The following PRKCZ variants were observed in gnomAD, a reference collection of about 807,000 sequenced individuals.
PRKCZ encodes protein kinase C zeta type.
Under a neutral mutation model 79.5 loss-of-function variants are expected in PRKCZ, and 33 were observed. The observed-to-expected ratio is 0.41, with a 90% CI of 0.31 to 0.55. PRKCZ has a LOEUF of 0.55. PRKCZ is among the 20% of genes least tolerant of loss of function. The pLI, the probability that PRKCZ is intolerant of heterozygous loss-of-function variation, is 0.19. For missense variants in PRKCZ, 578 were observed against 813.5 expected (o/e 0.71, Z 3.52); for synonymous variants, 342 against 320.9 (o/e 1.07, Z -0.70).
chr1:2,107,414 TC>T (rs1387948994), intron 4 of PRKCZ, among the ~76,000 whole-genome samples: 5 of 152,200 alleles, frequency 3.3e-5, no homozygotes, highest in Non-Finnish European at 2.9e-5. Context: ...CCGCACACAC[TC>T]CCGTGCCCGT....
At chr1:2,175,092 A>G in intron 15 of PRKCZ, 132 bp from the exon 16 acceptor site, 1 of 799,678 alleles carries the variant, frequency 1.3e-6, no homozygotes, top group South Asian at 1.7e-5. Flanking sequence ...TAAAGGAAAC[A>G]TCTGATTTCC....
rs755039122 is a variant in PRKCZ, at chr1:2,175,218, C to G, written c.1486-6C>G. 6.2e-7 allele frequency: 1 copy of G among 1,613,220 alleles called. No homozygotes were observed. The highest frequency in any genetic ancestry group is 8.5e-7 in the Non-Finnish European group (1 of 1,179,334). On this transcript the variant is annotated splice_region_variant and splice_polypyrimidine_tract_variant and intron_variant, in intron 15 of 17. Coordinates refer to ENST00000378567, the MANE Select transcript of PRKCZ (RefSeq NM_002744.6). The stretch of plus-strand genomic sequence containing the variant: ...GACTTGTCCTTGTTTGAACTCTGAC[C>G]TCCAGGACCCCAAAGAGAGGCTCGG...
chr1:2,153,905 C>A (rs955972456), intron 9 of PRKCZ, among the ~76,000 whole-genome samples: 1 of 152,216 alleles, frequency 6.6e-6, no homozygotes, highest in African/African-American at 2.4e-5. Flanking sequence ...AAAAAGACTG[C>A]ACTCTCTGGG....
At chr1:2,163,734 CAA>C (rs35766783) in intron 10 of PRKCZ, among the ~76,000 whole-genome samples, 87 of 139,694 alleles carry the variant, frequency 6.2e-4, no homozygotes, top group Admixed American at 9.2e-4. Context: ...ACTAAAAATA[CAA>C]AAAAAAAAAA....
At chr1:2,114,442 C>T (rs898062080) in intron 4 of PRKCZ, among the ~76,000 whole-genome samples, 3 of 152,146 alleles carry the variant, frequency 2.0e-5, no homozygotes, top group African/African-American at 4.8e-5. Context: ...GTTCAGCTCA[C>T]AAAAGTTAAG....
At chr1:2,164,086 A>G (rs1254525617) in intron 10 of PRKCZ, among the ~76,000 whole-genome samples, 3 of 151,928 alleles carry the variant, frequency 2.0e-5, no homozygotes, top group Admixed American at 6.6e-5. Flanking sequence ...TTAGTGTGCT[A>G]CTCTGTTAAT....
intron 4 of PRKCZ, among the ~76,000 whole-genome samples, chr1:2,091,855 G>C (rs372463095): frequency 3.9e-4 from 60 of 152,314 alleles, no homozygotes; most frequent in Admixed American, 5.9e-4. Context: ...ACAGATGCGC[G>C]TCCTGTGTTG....
intron 5 of PRKCZ, among the ~76,000 whole-genome samples, chr1:2,140,439 G>A (rs1313072981): frequency 6.6e-6 from 1 of 152,140 alleles, no homozygotes; most frequent in African/African-American, 2.4e-5. Flanking sequence ...GAGTGCCTGA[G>A]GTCAGGAGTT....
chr1:2,124,897 C>G (rs935955962), intron 4 of PRKCZ, among the ~76,000 whole-genome samples: 5 of 152,108 alleles, frequency 3.3e-5, no homozygotes, highest in Non-Finnish European at 7.4e-5. Flanking sequence ...TTCCAGCTTT[C>G]GTCGATTGTT....
intron 16 of PRKCZ, among the ~76,000 whole-genome samples, chr1:2,180,716 A>G (rs1686440016): frequency 6.6e-6 from 1 of 152,180 alleles, no homozygotes; most frequent in African/African-American, 2.4e-5. Flanking sequence ...TGGGATGCTC[A>G]GATGACCGCT....
chr1:2,184,864 T>A, intron 17 of PRKCZ, 58 bp from the exon 18 acceptor site: 1 of 1,498,878 alleles, frequency 6.7e-7, no homozygotes, highest in Non-Finnish European at 9.2e-7. Flanking sequence ...TGACTCCGCT[T>A]CCCCCAAGGG....
intron 10 of PRKCZ, chr1:2,169,311 C>A: frequency 3.2e-6 from 2 of 617,182 alleles, no homozygotes; most frequent in South Asian, 3.0e-5. Flanking sequence ...GCATGACTCC[C>A]TCACCTGCAC....
Position 2,127,024 on chromosome 1 carries a change from G to T in PRKCZ, c.335-8238G>T, listed in dbSNP as rs1360618676. ...GGAAGTCGGCAGAGCTTGGCTCCCT[G>T]TTCGCCCGACTGGCGCCTCGGCTGT... is the stretch of plus-strand genomic sequence containing the variant. On this transcript the variant is annotated intron_variant, in intron 4 of 17. Coordinates refer to ENST00000378567, the MANE Select transcript of PRKCZ (RefSeq NM_002744.6). This position sits in a 1 kb window ranked among gnomAD's most constrained non-coding sequence, Gnocchi z 5.1. Among the ~76,000 whole-genome samples the T allele has an allele frequency of 1.3e-5, 2 of 152,238 alleles. No individual in the cohort carries two copies. The highest frequency in any genetic ancestry group is 4.8e-5 in the African/African-American group (2 of 41,460).
At chr1:2,069,632 G>A (rs1166510283) in intron 4 of PRKCZ, among the ~76,000 whole-genome samples, 1 of 152,206 alleles carries the variant, frequency 6.6e-6, no homozygotes, top group Non-Finnish European at 1.5e-5. Context: ...GGCCCTTTCT[G>A]CCACTTCCCC....
At position 2,094,048 on chromosome 1, in the gene PRKCZ, T is replaced by G. The variant is rs1665984903; in HGVS notation, c.334+34457T>G. Among the ~76,000 whole-genome samples the G allele has an allele frequency of 6.6e-6, 1 of 152,160 alleles. No homozygotes were observed. The highest frequency in any genetic ancestry group is 6.5e-5 in the Admixed American group (1 of 15,286). ...ACGTCCACAGCACCTGCCAGCCCAC[T>G]TTGGGTGACCCTCCTGTTTGTCCTG... On this transcript the variant is annotated intron_variant, in intron 4 of 17. Transcript: ENST00000378567. This position sits in a 1 kb window ranked among gnomAD's most constrained non-coding sequence, Gnocchi z 7.3.
Position 2,150,842 on chromosome 1 carries a change from T to C in PRKCZ, c.740T>C (p.Leu247Pro). The change falls in exon 9 of 18, where the codon CTT becomes CCT. Residue 247 changes from leucine (L) to proline (P), a missense_variant. Leu to Pro is a moderately conservative substitution (Grantham distance 98, BLOSUM62 -3). This residue lies in a region of PRKCZ where 91 missense variants were observed against 97.5 expected (regional missense o/e 0.93). Transcript: ENST00000378567. ...GATGGAATCAAAATCTCTCAGGGGCTTGGGCTGCAGGACTTTGACCTAATC... is the reference window on the plus strand; with the variant it reads ...GATGGAATCAAAATCTCTCAGGGGCCTGGGCTGCAGGACTTTGACCTAATC... Reference protein sequence around the residue: ...GMDGIKISQGLGLQDFDLIRV... With the variant: ...GMDGIKISQGPGLQDFDLIRV... The C allele has an allele frequency of 6.2e-7, 1 of 1,614,186 alleles. No individual in the cohort carries two copies. Among genetic ancestry groups the C allele is most frequent in the Non-Finnish European group, 8.5e-7 (1 of 1,180,024 alleles).
At chr1:2,102,751 C>T (rs1667712272) in intron 4 of PRKCZ, among the ~76,000 whole-genome samples, 1 of 152,106 alleles carries the variant, frequency 6.6e-6, no homozygotes, top group Non-Finnish European at 1.5e-5. Flanking sequence ...AAGTCTCCTC[C>T]CCCAACCCCC....
intron 4 of PRKCZ, among the ~76,000 whole-genome samples, chr1:2,078,522 C>T (rs1267065277): frequency 6.6e-6 from 1 of 152,056 alleles, no homozygotes; most frequent in Admixed American, 6.6e-5. Flanking sequence ...TGATAATGTT[C>T]CTTGTCGTGG....
chr1:2,072,709 A>G (rs1165720264), intron 4 of PRKCZ, among the ~76,000 whole-genome samples: 1 of 151,958 alleles, frequency 6.6e-6, no homozygotes, highest in Non-Finnish European at 1.5e-5. Context: ...TGTCTCTAGG[A>G]ATCGGTTGGC....
Sources: allele counts gnomAD v4.1 joint callset (sites outside exome capture counted in the v4.1 genomes callset), GRCh38; gene constraint gnomAD v4.1.1; regional missense constraint gnomAD v4.1.1; non-coding constraint Gnocchi (gnomAD v3.1); transcripts MANE v1.5; gene names NCBI Gene and HGNC (gene_info 2026-07-23, HGNC 2026-07-21).